MARCHF1: variants seen among roughly 807,000 people sequenced by gnomAD.
MARCHF1 encodes membrane associated ring-CH-type finger 1.
Under a neutral mutation model 54.2 loss-of-function variants are expected in MARCHF1, and 40 were observed. That is an observed-to-expected ratio of 0.74 (90% CI 0.57 to 0.96). The LOEUF (loss-of-function observed/expected upper bound fraction) is 0.96, where lower values mean the gene tolerates loss of function less well. MARCHF1 is among the 40% of genes least tolerant of loss of function. MARCHF1 has a pLI of 0.00. For synonymous variants in MARCHF1, 236 were observed against 236.3 expected, an observed-to-expected ratio of 1.00 and a Z score of 0.01; for missense variants, 586 against 656.5, an observed-to-expected ratio of 0.89 and a Z score of 1.17.
intron 4 of MARCHF1, among the ~76,000 whole-genome samples, chr4:163,756,291 A>G (rs1746663300): frequency 6.6e-6 from 1 of 152,076 alleles, no homozygotes; most frequent in African/African-American, 2.4e-5. Flanking sequence ...TATCTACTAC[A>G]CCAGTATAGA....
chr4:163,975,024 T>C lies in MARCHF1; in HGVS notation c.-39+13477A>G, dbSNP rs377138133. Among the ~76,000 whole-genome samples the C allele has an allele frequency of 7.9e-5, 12 of 152,298 alleles. No homozygotes were observed. The East Asian group carries it at 1.9e-3, about 24-fold the overall frequency. ...ATTTTTTATGCCTTTAGATTAAAAC[T>C]AGAAAACTGGCTCTTCTTGAGTCTC... On this transcript the variant is annotated intron_variant, in intron 3 of 9. Coordinates refer to ENST00000514618, the MANE Select transcript of MARCHF1 (RefSeq NM_001394959.1).
chr4:164,191,467 A>G (rs1731121296), intron 1 of MARCHF1, among the ~76,000 whole-genome samples: 1 of 152,208 alleles, frequency 6.6e-6, no homozygotes, highest in Non-Finnish European at 1.5e-5. Context: ...CTCTGAGTAT[A>G]ATATTTGTAA....
intron 3 of MARCHF1, among the ~76,000 whole-genome samples, chr4:163,858,797 C>A (rs1242159495): frequency 6.6e-6 from 1 of 152,172 alleles, no homozygotes; most frequent in African/African-American, 2.4e-5. Flanking sequence ...GATGTTTTCA[C>A]GTGCTCACAC....
At chr4:163,967,427 GA>G (rs1175835625) in intron 3 of MARCHF1, among the ~76,000 whole-genome samples, 1 of 152,136 alleles carries the variant, frequency 6.6e-6, no homozygotes. Context: ...TATGTTTTAA[GA>G]AAGGCAAATC....
chr4:164,295,058 G>A (rs553068560), intron 1 of MARCHF1, among the ~76,000 whole-genome samples: 3 of 151,688 alleles, frequency 2.0e-5, no homozygotes, highest in African/African-American at 7.2e-5. Context: ...ACATAACATG[G>A]GAGCCCTCAT....
chr4:164,351,905 C>G lies in MARCHF1; in HGVS notation c.-323+31965G>C, dbSNP rs1266059484. Among the ~76,000 whole-genome samples, 973 of 151,088 alleles carry G rather than the reference C, an allele frequency of 6.4e-3. 6 individuals carry two copies. The highest frequency in any genetic ancestry group is 9.8e-3 in the Non-Finnish European group (665 of 67,718). On this transcript the variant is annotated intron_variant, in intron 1 of 9. Transcript: ENST00000514618. The stretch of plus-strand genomic sequence containing the variant: ...GTATAACTAGAAGAACCAATACAGA[C>G]AAGTGCTTAAAGGAGCTGATGGAGC...
chr4:163,557,006 A>C (rs1460520313), intron 8 of MARCHF1, among the ~76,000 whole-genome samples: 2 of 152,136 alleles, frequency 1.3e-5, no homozygotes. Context: ...ATGGATTCTC[A>C]AAGAAATCGG....
At chr4:164,319,661 T>C (rs1735090816) in intron 1 of MARCHF1, among the ~76,000 whole-genome samples, 1 of 152,164 alleles carries the variant, frequency 6.6e-6, no homozygotes, top group South Asian at 2.1e-4. Flanking sequence ...TTTTCCTCTT[T>C]AGTTCAGATA....
rs181380897 is a variant in MARCHF1 at position 164,063,881 on chromosome 4, C to T, written c.-248+47707G>A. On this transcript the variant is annotated intron_variant, in intron 2 of 9. Coordinates refer to ENST00000514618, the MANE Select transcript of MARCHF1 (RefSeq NM_001394959.1). ...TCCAGTTCCAATCTTCTGCATATGGCTAGCCAGTTATCCCAGCACCATTTA... is the reference window on the plus strand; with the variant it reads ...TCCAGTTCCAATCTTCTGCATATGGTTAGCCAGTTATCCCAGCACCATTTA... Among the ~76,000 whole-genome samples the T allele has an allele frequency of 9.9e-5, 15 of 152,202 alleles. No homozygotes were observed. In the East Asian group the frequency reaches 2.5e-3, roughly 25 times the overall value.
chr4:163,623,253 T>C (rs2071124399), intron 5 of MARCHF1, among the ~76,000 whole-genome samples: 1 of 152,100 alleles, frequency 6.6e-6, no homozygotes, highest in South Asian at 2.1e-4. Flanking sequence ...CTAGGGACCA[T>C]TATGCAAAGG....
intron 4 of MARCHF1, among the ~76,000 whole-genome samples, chr4:163,814,731 A>G (rs375404261): frequency 6.6e-6 from 1 of 152,192 alleles, no homozygotes; most frequent in Non-Finnish European, 1.5e-5. Context: ...CAGCACTTAC[A>G]TATCATGTGG....
intron 2 of MARCHF1, among the ~76,000 whole-genome samples, chr4:164,074,471 G>A (rs981612352): frequency 7.2e-5 from 11 of 152,020 alleles, no homozygotes; most frequent in South Asian, 6.2e-4. Context: ...ACTCTAAGTC[G>A]GGAAATTTAT....
At chr4:163,933,207 A>C in intron 3 of MARCHF1, 1 of 734,990 alleles carries the variant, frequency 1.4e-6, no homozygotes, top group Non-Finnish European at 2.4e-6. Flanking sequence ...TATGGACCTC[A>C]GACAGTGCAG....
chr4:163,721,681 C>T (rs1745466870), intron 4 of MARCHF1, among the ~76,000 whole-genome samples: 1 of 152,028 alleles, frequency 6.6e-6, no homozygotes, highest in Admixed American at 6.6e-5. Flanking sequence ...GTTTGGTAGG[C>T]TATTAATTAT....
At chr4:163,969,289 G>A (rs1752502700) in intron 3 of MARCHF1, among the ~76,000 whole-genome samples, 1 of 152,168 alleles carries the variant, frequency 6.6e-6, no homozygotes, top group East Asian at 1.9e-4. Context: ...TAAGAAAAAT[G>A]TAAAAGCAGC....
At chr4:163,595,369 T>C (rs1014205058) in intron 7 of MARCHF1, among the ~76,000 whole-genome samples, 1 of 150,516 alleles carries the variant, frequency 6.6e-6, no homozygotes, top group Non-Finnish European at 1.5e-5. Context: ...AAAAAAAAAT[T>C]AGCGGAGTGT....
intron 2 of MARCHF1, among the ~76,000 whole-genome samples, chr4:164,093,301 A>G (rs913465779): frequency 6.6e-6 from 1 of 152,146 alleles, no homozygotes; most frequent in Admixed American, 6.6e-5. Flanking sequence ...GACTGATGGA[A>G]CATTTTTCTT....
rs530691958 is a variant in MARCHF1 at position 163,750,171 on chromosome 4, C to G, written c.112-49308G>C. On this transcript the variant is annotated intron_variant, in intron 4 of 9. Coordinates refer to ENST00000514618, the MANE Select transcript of MARCHF1 (RefSeq NM_001394959.1). ...TCAGCCTATTCTGCTCCCTAGGAAT[C>G]CTAGGCCAAAACACTTTGTAACCAT... is the stretch of plus-strand genomic sequence containing the variant. 2.0e-5 allele frequency among the ~76,000 whole-genome samples: 3 copies of G among 152,148 alleles called. No individual in the cohort carries two copies. In the South Asian group the frequency reaches 6.2e-4, roughly 32 times the overall value.
chr4:164,007,740 A>G (rs184334185), intron 2 of MARCHF1, among the ~76,000 whole-genome samples: 36 of 150,558 alleles, frequency 2.4e-4, no homozygotes, highest in African/African-American at 8.6e-4. Context: ...ATAAGTTGTC[A>G]TCTCTTTAAA....
Sources: allele counts gnomAD v4.1 joint callset (sites outside exome capture counted in the v4.1 genomes callset), GRCh38; gene constraint gnomAD v4.1.1; transcripts MANE v1.5; gene names NCBI Gene and HGNC (gene_info 2026-07-23, HGNC 2026-07-21).